The following FILIP1L variants were observed in gnomAD, a reference collection of about 807,000 sequenced individuals.
FILIP1L encodes the protein filamin A-interacting protein 1-like.
A neutral mutation model predicts 96.6 loss-of-function variants in FILIP1L; 55 were observed. The ratio of observed to expected loss-of-function variants is 0.57; its 90% CI spans 0.46 to 0.71. The LOEUF (loss-of-function observed/expected upper bound fraction) is 0.71. Among genes scored for constraint, FILIP1L ranks in the 30% least tolerant of loss-of-function variants. FILIP1L has a pLI of 0.00. For missense variants in FILIP1L, 1,304 were observed against 1,321.2 expected (o/e 0.99, Z 0.20); for synonymous variants, 467 against 473.9 (o/e 0.99, Z 0.19).
intron 1 of FILIP1L, among the ~76,000 whole-genome samples, chr3:99,956,685 A>G (rs1429590460): frequency 1.3e-5 from 2 of 152,170 alleles, no homozygotes; most frequent in Admixed American, 1.3e-4. Context: ...ATCGCCTCTT[A>G]AATCTTGCCC....
At chr3:99,885,030 T>C (rs1705847480) in intron 4 of FILIP1L, among the ~76,000 whole-genome samples, 2 of 152,242 alleles carry the variant, frequency 1.3e-5, no homozygotes, top group African/African-American at 4.8e-5. Flanking sequence ...GCCTGTGGAC[T>C]TGAGGGAAAA....
chr3:99,888,638 A>G (rs905171940), intron 4 of FILIP1L, among the ~76,000 whole-genome samples: 1 of 152,198 alleles, frequency 6.6e-6, no homozygotes, highest in Non-Finnish European at 1.5e-5. Context: ...TGCTTAACCT[A>G]TCAACAATTT....
intron 5 of FILIP1L, among the ~76,000 whole-genome samples, chr3:99,837,030 G>A (rs560569583): frequency 3.9e-5 from 6 of 152,278 alleles, no homozygotes; most frequent in South Asian, 2.1e-4. Context: ...AGTAATAATC[G>A]TCCATTGTTC....
intron 1 of FILIP1L, among the ~76,000 whole-genome samples, chr3:99,991,702 G>C (rs1709515354): frequency 1.3e-5 from 2 of 151,838 alleles, no homozygotes; most frequent in Admixed American, 6.6e-5. Context: ...AGAACATGCT[G>C]TATTTGACTG....
chr3:100,030,895 A>G (rs904499444), intron 1 of FILIP1L, among the ~76,000 whole-genome samples: 2 of 152,188 alleles, frequency 1.3e-5, no homozygotes, highest in Non-Finnish European at 2.9e-5. Flanking sequence ...GTGCAACTAT[A>G]TAGATATTCT....
intron 1 of FILIP1L, among the ~76,000 whole-genome samples, chr3:100,067,000 A>ACC (rs2065676986): frequency 6.6e-6 from 1 of 152,196 alleles, no homozygotes; most frequent in Non-Finnish European, 1.5e-5. Context: ...CCATACACAT[A>ACC]TTGAGTGAGA....
chr3:99,964,259 C>G (rs1174011289), intron 1 of FILIP1L: 1 of 151,532 alleles, frequency 6.6e-6, no homozygotes, highest in African/African-American at 2.4e-5. Flanking sequence ...GATCTTACCT[C>G]TAGCTAGGTT....
At chr3:100,111,932 A>G (rs1039631764) in intron 1 of FILIP1L, among the ~76,000 whole-genome samples, 2 of 152,232 alleles carry the variant, frequency 1.3e-5, no homozygotes, top group African/African-American at 2.4e-5. Context: ...GATTCAAATC[A>G]CTAGTAATCA....
intron 1 of FILIP1L, among the ~76,000 whole-genome samples, chr3:100,104,137 G>T (rs929282045): frequency 6.6e-6 from 1 of 152,168 alleles, no homozygotes; most frequent in African/African-American, 2.4e-5. Context: ...GAGAGCACAG[G>T]TTACAATGAG....
chr3:99,882,333 G>A (rs1705756176), intron 4 of FILIP1L, among the ~76,000 whole-genome samples: 1 of 152,018 alleles, frequency 6.6e-6, no homozygotes, highest in South Asian at 2.1e-4. Context: ...CCTTTTGTCT[G>A]GCAACTTCTT....
intron 1 of FILIP1L, among the ~76,000 whole-genome samples, chr3:100,086,597 T>C (rs940466738): frequency 6.6e-6 from 1 of 152,236 alleles, no homozygotes; most frequent in Admixed American, 6.5e-5. Context: ...CAGGCTAACG[T>C]CCAAAATATG....
At chr3:99,838,121 A>G (rs146358815) in intron 5 of FILIP1L, among the ~76,000 whole-genome samples, 2 of 152,310 alleles carry the variant, frequency 1.3e-5, no homozygotes, top group African/African-American at 2.4e-5. Flanking sequence ...CCCTTTGCTT[A>G]TAGAATCTTA....
chr3:100,077,410 G>T (rs913595137), intron 1 of FILIP1L, among the ~76,000 whole-genome samples: 2 of 152,194 alleles, frequency 1.3e-5, no homozygotes, highest in Non-Finnish European at 2.9e-5. Context: ...TTAAAAATAA[G>T]AGTAGTTAAA....
intron 1 of FILIP1L, among the ~76,000 whole-genome samples, chr3:100,016,118 G>T (rs1453406818): frequency 6.6e-6 from 1 of 152,114 alleles, no homozygotes; most frequent in Non-Finnish European, 1.5e-5. Context: ...CCGTTTTGTG[G>T]ATTTAGAGGT....
intron 1 of FILIP1L, chr3:100,051,212 G>A (rs1010510192): frequency 2.0e-5 from 3 of 151,702 alleles, no homozygotes; most frequent in African/African-American, 4.8e-5. Context: ...TATTTTTTCC[G>A]ATATTCTGTT....
intron 1 of FILIP1L, among the ~76,000 whole-genome samples, chr3:100,005,169 C>A (rs1240690592): frequency 6.6e-6 from 1 of 152,176 alleles, no homozygotes; most frequent in Non-Finnish European, 1.5e-5. Flanking sequence ...AACCAGGAAA[C>A]CTCCCTTTCT....
intron 1 of FILIP1L, among the ~76,000 whole-genome samples, chr3:99,949,247 A>G (rs548151234): frequency 7.9e-5 from 12 of 152,338 alleles, no homozygotes; most frequent in Non-Finnish European, 1.8e-4. Context: ...TAGGCCTACA[A>G]AAAAACTTTA....
chr3:99,952,585 C>T (rs1237442194), intron 1 of FILIP1L, among the ~76,000 whole-genome samples: 1 of 152,132 alleles, frequency 6.6e-6, no homozygotes, highest in Non-Finnish European at 1.5e-5. Context: ...TGCTAGAAAA[C>T]ACTATGCTTT....
intron 1 of FILIP1L, among the ~76,000 whole-genome samples, chr3:99,999,044 T>C (rs904658706): frequency 6.6e-6 from 1 of 152,232 alleles, no homozygotes; most frequent in Non-Finnish European, 1.5e-5. Context: ...CTTCCGTGCC[T>C]CCCATAGGCA....
Sources: allele counts gnomAD v4.1 joint callset (sites outside exome capture counted in the v4.1 genomes callset), GRCh38; gene constraint gnomAD v4.1.1; transcripts MANE v1.5; gene names NCBI Gene and HGNC (gene_info 2026-07-23, HGNC 2026-07-21).